The following CCDC91 variants were observed in gnomAD, a reference collection of about 807,000 sequenced individuals.
CCDC91 encodes the protein coiled-coil domain containing 91, also known as coiled-coil domain-containing protein 91.
In CCDC91, 48 loss-of-function variants were observed where a neutral mutation model predicts 63.2. The observed-to-expected ratio is 0.76, with a 90% CI of 0.60 to 0.97. The LOEUF is 0.97. CCDC91 is among the 50% of genes least tolerant of loss of function. The pLI is 0.00. For synonymous variants in CCDC91, 167 were observed against 165.8 expected, an observed-to-expected ratio of 1.01 and a Z score of -0.06; for missense variants, 500 against 494.6, an observed-to-expected ratio of 1.01 and a Z score of -0.10.
intron 11 of CCDC91, among the ~76,000 whole-genome samples, chr12:28,478,548 ATG>A (rs1259310336): frequency 1.3e-5 from 2 of 152,200 alleles, no homozygotes; most frequent in Non-Finnish European, 2.9e-5. Flanking sequence ...GGACATAGGC[ATG>A]GGCAAGGACT....
At chr12:28,341,522 A>T (rs1942423906) in intron 6 of CCDC91, among the ~76,000 whole-genome samples, 1 of 152,236 alleles carries the variant, frequency 6.6e-6, no homozygotes. Flanking sequence ...CTGATTAGTA[A>T]CATTGATTTC....
At chr12:28,434,968 T>C (rs1416611722) in intron 8 of CCDC91, among the ~76,000 whole-genome samples, 3 of 151,840 alleles carry the variant, frequency 2.0e-5, no homozygotes, top group Non-Finnish European at 3.0e-5. Context: ...CCCTGGGATA[T>C]GCAATGATAT....
intron 1 of CCDC91, among the ~76,000 whole-genome samples, chr12:28,194,546 C>T (rs1204701851): frequency 2.0e-5 from 3 of 152,176 alleles, no homozygotes; most frequent in Non-Finnish European, 4.4e-5. Flanking sequence ...GTGAGTGATA[C>T]AGCTCTTAAA....
At chr12:28,394,056 C>T (rs560658923) in intron 8 of CCDC91, among the ~76,000 whole-genome samples, 28 of 152,236 alleles carry the variant, frequency 1.8e-4, no homozygotes, top group African/African-American at 6.3e-4. Flanking sequence ...TTTAAAATGA[C>T]GTAACGAAAT....
chr12:28,246,970 A>G (rs374879499), intron 1 of CCDC91, among the ~76,000 whole-genome samples: 2 of 152,324 alleles, frequency 1.3e-5, no homozygotes, highest in East Asian at 1.9e-4. Context: ...GTAGTTTCAT[A>G]TATTTAGAGT....
At chr12:28,425,410 C>G (rs748506713) in intron 8 of CCDC91, among the ~76,000 whole-genome samples, 2 of 152,070 alleles carry the variant, frequency 1.3e-5, no homozygotes, top group Non-Finnish European at 2.9e-5. Flanking sequence ...CTTTCTTCCT[C>G]GTCTACTCCA....
chr12:28,548,034 C>G (rs1223740938), intron 12 of CCDC91, among the ~76,000 whole-genome samples: 9 of 151,990 alleles, frequency 5.9e-5, no homozygotes. Flanking sequence ...TATTTTTACC[C>G]TATGGGCAAA....
At chr12:28,401,086 C>T (rs769656068) in intron 8 of CCDC91, among the ~76,000 whole-genome samples, 41 of 152,094 alleles carry the variant, frequency 2.7e-4, no homozygotes, top group South Asian at 2.1e-4. Flanking sequence ...TCCACATTTT[C>T]GGGTATCTTT....
At chr12:28,365,901 T>TA (rs1434347609) in intron 7 of CCDC91, among the ~76,000 whole-genome samples, 9 of 152,190 alleles carry the variant, frequency 5.9e-5, no homozygotes, top group Admixed American at 3.3e-4. Flanking sequence ...CTGGGGATCT[T>TA]ACGTCTTTCT....
intron 12 of CCDC91, among the ~76,000 whole-genome samples, chr12:28,512,475 T>C (rs1346243614): frequency 6.6e-6 from 1 of 151,932 alleles, no homozygotes; most frequent in African/African-American, 2.4e-5. Context: ...GTAAGACGTA[T>C]TGTGGGATAA....
chr12:28,384,561 T>A (rs768910684), intron 7 of CCDC91, among the ~76,000 whole-genome samples: 3 of 152,136 alleles, frequency 2.0e-5, no homozygotes, highest in Non-Finnish European at 2.9e-5. Context: ...TTCCAGTACC[T>A]AGAACAGTGT....
chr12:28,240,922 T>C (rs2135953279), intron 1 of CCDC91, among the ~76,000 whole-genome samples: 1 of 152,282 alleles, frequency 6.6e-6, no homozygotes, highest in African/African-American at 2.4e-5. Flanking sequence ...GGTATATATT[T>C]AATTCTTAAA....
intron 3 of CCDC91, among the ~76,000 whole-genome samples, chr12:28,263,553 C>T (rs528053287): frequency 6.6e-6 from 1 of 152,066 alleles, no homozygotes; most frequent in East Asian, 1.9e-4. Context: ...AATAATATTC[C>T]ATTGCCTATA....
intron 1 of CCDC91, among the ~76,000 whole-genome samples, chr12:28,210,941 T>A (rs1481290943): frequency 6.6e-6 from 1 of 151,646 alleles, no homozygotes; most frequent in African/African-American, 2.4e-5. Context: ...TTATTATTAT[T>A]TTTTTCTTTT....
intron 6 of CCDC91, among the ~76,000 whole-genome samples, chr12:28,331,663 A>C (rs1941523803): frequency 1.3e-5 from 2 of 152,170 alleles, no homozygotes; most frequent in Non-Finnish European, 1.5e-5. Context: ...CAGTTATATT[A>C]GCCCTGATAT....
chr12:28,242,766 G>A (rs1317543870), intron 1 of CCDC91, among the ~76,000 whole-genome samples: 1 of 152,126 alleles, frequency 6.6e-6, no homozygotes, highest in Non-Finnish European at 1.5e-5. Flanking sequence ...GGGCCTGGTG[G>A]GAGGTGCTTG....
At chr12:28,271,067 G>A (rs888341682) in intron 3 of CCDC91, among the ~76,000 whole-genome samples, 2 of 152,068 alleles carry the variant, frequency 1.3e-5, no homozygotes, top group African/African-American at 4.8e-5. Flanking sequence ...TGTAATAAAG[G>A]GATAGAGAGA....
intron 11 of CCDC91, among the ~76,000 whole-genome samples, chr12:28,457,149 A>T (rs1950092819): frequency 1.3e-5 from 2 of 152,074 alleles, no homozygotes; most frequent in South Asian, 4.1e-4. Context: ...TCAGGTCACC[A>T]CTACGAACAA....
At chr12:28,447,078 T>C (rs138696730) in intron 8 of CCDC91, among the ~76,000 whole-genome samples, 8 of 152,310 alleles carry the variant, frequency 5.3e-5, no homozygotes, top group Admixed American at 1.3e-4. Flanking sequence ...CATTAAAATA[T>C]ACAACTTGCT....
Sources: allele counts gnomAD v4.1 joint callset (sites outside exome capture counted in the v4.1 genomes callset), GRCh38; gene constraint gnomAD v4.1.1; transcripts MANE v1.5; gene names NCBI Gene and HGNC (gene_info 2026-07-23, HGNC 2026-07-21).